Variants in PTPRN2 observed in about 807,000 individuals in gnomAD.
PTPRN2 encodes receptor-type tyrosine-protein phosphatase N2.
PTPRN2 carries 74 observed loss-of-function variants against 118.8 expected under a neutral mutation model. That is an observed-to-expected ratio of 0.62 (90% confidence interval 0.52 to 0.76). The LOEUF (loss-of-function observed/expected upper bound fraction) is 0.76, where lower values mean the gene tolerates loss of function less well. Ranked by LOEUF, PTPRN2 falls within the 30% of genes least tolerant of loss-of-function variation. The probability of loss-of-function intolerance (pLI) is 0.00; values close to 1 mark genes in which losing one functional copy is unlikely to be tolerated. For missense variants in PTPRN2, 1,481 were observed against 1,394.4 expected, an observed-to-expected ratio of 1.06 and a Z score of -0.99; for synonymous variants, 641 against 608.0, an observed-to-expected ratio of 1.05 and a Z score of -0.80.
chr7:158,476,986 C>T (rs779141539), intron 2 of PTPRN2, among the ~76,000 whole-genome samples: 4 of 152,240 alleles, frequency 2.6e-5, no homozygotes, highest in Non-Finnish European at 4.4e-5. Context: ...CTCAATATCA[C>T]GTCACTTTTT....
chr7:157,829,340 C>T (rs767631940), intron 12 of PTPRN2, among the ~76,000 whole-genome samples: 6 of 152,170 alleles, frequency 3.9e-5, no homozygotes, highest in African/African-American at 1.2e-4. Flanking sequence ...ATCAAACACT[C>T]GGCTGGTAAG....
intron 6 of PTPRN2, among the ~76,000 whole-genome samples, chr7:158,150,413 G>A (rs867763634): frequency 6.6e-6 from 1 of 152,168 alleles, no homozygotes; most frequent in Non-Finnish European, 1.5e-5. Flanking sequence ...TCCACCCTCA[G>A]CAGCTCGAAA....
At position 158,328,804 on chromosome 7, in the gene PTPRN2, C is replaced by G. The variant is rs1044833879; in HGVS notation, c.164-11872G>C. Among the ~76,000 whole-genome samples, 9 of 144,740 alleles carry G rather than the reference C, an allele frequency of 6.2e-5. No homozygotes were observed. In the South Asian group the frequency reaches 2.0e-3, roughly 32 times the overall value. The allele number at this position is 144,740 out of a possible 152,430, so 95.0% of individuals were successfully genotyped here. A position where few individuals can be genotyped will look rare whatever the true frequency, so the allele number is the denominator to read the frequency against. On this transcript the variant is annotated intron_variant, in intron 2 of 22. Coordinates refer to ENST00000389418, the MANE Select transcript of PTPRN2 (RefSeq NM_002847.5). Reference sequence around the variant, plus strand: ...AGCGGGGCCTCCATTCCCCCCCCCCCGCCACCCAGGGATCCCAGGGAGGCC... The same window carrying G: ...AGCGGGGCCTCCATTCCCCCCCCCCGGCCACCCAGGGATCCCAGGGAGGCC...
intron 12 of PTPRN2, among the ~76,000 whole-genome samples, chr7:157,848,031 T>C (rs56019614): frequency 7.1e-6 from 1 of 140,272 alleles, no homozygotes. Context: ...CCCTCTCTCA[T>C]TACATCGTGT....
At chr7:158,213,820 A>G (rs59804289) in intron 3 of PTPRN2, among the ~76,000 whole-genome samples, 28,242 of 152,142 alleles carry the variant, frequency 0.19, 2,800 homozygotes, top group Non-Finnish European at 0.23. Context: ...TTATCAGGAA[A>G]CAGAAAATCA....
Position 157,729,585 on chromosome 7 carries a change from A to C in PTPRN2, c.1789-46648T>G, listed in dbSNP as rs898191612. Among the ~76,000 whole-genome samples the C allele has an allele frequency of 3.3e-5, 5 of 152,208 alleles. No homozygotes were observed. Among genetic ancestry groups the C allele is most frequent in the Admixed American group, 1.3e-4 (2 of 15,286 alleles). On this transcript the variant is annotated intron_variant, in intron 12 of 22. Coordinates refer to ENST00000389418, the MANE Select transcript of PTPRN2 (RefSeq NM_002847.5). The surrounding 1 kb of genome is among the most constrained non-coding windows in gnomAD (Gnocchi z 4.3). Reference sequence around the variant, plus strand: ...ATCAAACAACATCAGAGCTTGCAAAAGGAGCTCTGCAGTGCCTGAGACCTG... The same window carrying C: ...ATCAAACAACATCAGAGCTTGCAAACGGAGCTCTGCAGTGCCTGAGACCTG...
At chr7:157,574,515 A>AGG (rs1799919468) in intron 19 of PTPRN2, 1 of 218,198 alleles carries the variant, frequency 4.6e-6, no homozygotes, top group African/African-American at 2.5e-5. Flanking sequence ...AGTAATAATG[A>AGG]GAGAGAGAGA....
chr7:158,130,254 C>A (rs1286944142), intron 9 of PTPRN2, among the ~76,000 whole-genome samples: 1 of 152,196 alleles, frequency 6.6e-6, no homozygotes, highest in African/African-American at 2.4e-5. Context: ...TCATGCAGCT[C>A]CCACCTCCAG....
chr7:157,828,998 C>A (rs1430544527), intron 12 of PTPRN2, among the ~76,000 whole-genome samples: 1 of 152,240 alleles, frequency 6.6e-6, no homozygotes. Context: ...TGATGACATC[C>A]CCATCTTAAA....
intron 11 of PTPRN2, among the ~76,000 whole-genome samples, chr7:157,933,255 T>A (rs1799493605): frequency 1.5e-5 from 2 of 136,702 alleles, no homozygotes; most frequent in Non-Finnish European, 1.6e-5. Context: ...GAGGGGTGAG[T>A]CACTCATTGA....
chr7:158,184,305 C>A (rs1355803153), intron 5 of PTPRN2, among the ~76,000 whole-genome samples: 1 of 152,096 alleles, frequency 6.6e-6, no homozygotes, highest in Non-Finnish European at 1.5e-5. Context: ...TTGTAGTTTT[C>A]ATTGTACATT....
intron 2 of PTPRN2, among the ~76,000 whole-genome samples, chr7:158,431,452 A>ACACGACACACACTGGCT (rs1816174442): frequency 2.0e-5 from 1 of 49,236 alleles, no homozygotes; most frequent in Non-Finnish European, 4.7e-5. Flanking sequence ...ACACTGCCTC[A>ACACGACACACACTGGCT]CACGACACAC....
At chr7:158,381,219 T>G (rs1397946627) in intron 2 of PTPRN2, among the ~76,000 whole-genome samples, 3 of 152,200 alleles carry the variant, frequency 2.0e-5, no homozygotes, top group African/African-American at 4.8e-5. Flanking sequence ...AAATTGGGAT[T>G]TTATTTTCTA....
In PTPRN2 at chr7:158,022,731, G is replaced by T. The variant is rs902195526; in HGVS notation, c.1723+58567C>A. On this transcript the variant is annotated intron_variant, in intron 11 of 22. Coordinates refer to ENST00000389418, the MANE Select transcript of PTPRN2 (RefSeq NM_002847.5). The surrounding 1 kb of genome is among the most constrained non-coding windows in gnomAD (Gnocchi z 4.6). ...TAATGATGCAGCAAAGCATCAGGCT[G>T]CCCACGCCAGAAGGCTTTCCCCCAC... Among the ~76,000 whole-genome samples, 6 of 152,272 alleles carry T rather than the reference G, an allele frequency of 3.9e-5. No homozygotes were observed. The highest frequency in any genetic ancestry group is 8.8e-5 in the Non-Finnish European group (6 of 68,040).
At chr7:157,849,664 C>T (rs113215897) in intron 12 of PTPRN2, among the ~76,000 whole-genome samples, 2 of 152,198 alleles carry the variant, frequency 1.3e-5, no homozygotes, top group African/African-American at 2.4e-5. Flanking sequence ...GTCTGGGTCC[C>T]GCATCCTGGC....
chr7:158,551,024 G>C (rs755009852), intron 1 of PTPRN2, among the ~76,000 whole-genome samples: 4 of 152,238 alleles, frequency 2.6e-5, no homozygotes, highest in Non-Finnish European at 4.4e-5. Flanking sequence ...AGCAGCGACC[G>C]TGAGCACGGG....
intron 2 of PTPRN2, among the ~76,000 whole-genome samples, chr7:158,408,815 G>A (rs1034737036): frequency 3.3e-5 from 5 of 151,908 alleles, no homozygotes; most frequent in African/African-American, 1.2e-4. Context: ...GAGATAAAAC[G>A]CTGCTAACGT....
intron 19 of PTPRN2, among the ~76,000 whole-genome samples, chr7:157,573,098 T>C (rs1272220117): frequency 6.6e-6 from 1 of 152,214 alleles, no homozygotes; most frequent in African/African-American, 2.4e-5. Flanking sequence ...ACTCAGGCTG[T>C]AAAGCATCGA....
At chr7:158,488,383 G>GCAGA (rs1215505214) in intron 2 of PTPRN2, among the ~76,000 whole-genome samples, 2 of 152,142 alleles carry the variant, frequency 1.3e-5, no homozygotes, top group African/African-American at 4.8e-5. Flanking sequence ...AGAGAAAACA[G>GCAGA]CAGAAGCTGC....
Sources: gnomAD v4.1 joint callset for allele counts (sites outside exome capture counted in the v4.1 genomes callset) on GRCh38, gnomAD v4.1.1 for gene constraint, Gnocchi (gnomAD v3.1) non-coding constraint, MANE v1.5 for transcripts, NCBI Gene and HGNC (gene_info 2026-07-23, HGNC 2026-07-21) for gene names.